The following TNFAIP8 variants were observed in gnomAD, a reference collection of about 807,000 sequenced individuals.
TNFAIP8 encodes tumor necrosis factor alpha-induced protein 8.
A neutral mutation model predicts 13.3 loss-of-function variants in TNFAIP8; 7 were observed. The ratio of observed to expected loss-of-function variants is 0.52; its 90% CI spans 0.30 to 0.99. The LOEUF is 0.99. TNFAIP8 is among the 50% of genes least tolerant of loss of function. The pLI is 0.07. For synonymous variants in TNFAIP8, 94 were observed against 87.6 expected (o/e 1.07, Z -0.41); for missense variants, 258 against 236.9 (o/e 1.09, Z -0.58).
At chr5:119,297,459 T>C (rs943892706) in intron 1 of TNFAIP8, among the ~76,000 whole-genome samples, 4 of 152,240 alleles carry the variant, frequency 2.6e-5, no homozygotes, top group African/African-American at 9.7e-5. Flanking sequence ...GATTGCAGTG[T>C]GGTCTGAGAG....
intron 1 of TNFAIP8, among the ~76,000 whole-genome samples, chr5:119,320,853 A>T (rs909834642): frequency 6.6e-6 from 1 of 151,974 alleles, no homozygotes; most frequent in Non-Finnish European, 1.5e-5. Flanking sequence ...TTTCTTCTTC[A>T]TACTACACTG....
Position 119,367,037 on chromosome 5 carries a change from C to G in TNFAIP8, c.31+10916C>G, listed in dbSNP as rs553512826. 1.2e-4 allele frequency among the ~76,000 whole-genome samples: 19 copies of G among 152,292 alleles called. No individual in the cohort carries two copies. The South Asian group carries it at 3.7e-3, about 30-fold the overall frequency. On this transcript the variant is annotated intron_variant, in intron 1 of 1. Transcript: ENST00000504771. ...GGGTTAATCGGGTAAATTATAATTG[C>G]TGCTAGGAGAGGCAGCCTAGCTGAG...
intron 1 of TNFAIP8, among the ~76,000 whole-genome samples, chr5:119,297,491 T>G (rs1251059574): frequency 1.3e-5 from 2 of 152,224 alleles, no homozygotes; most frequent in Non-Finnish European, 2.9e-5. Flanking sequence ...TAATTTCTGT[T>G]CTTTTACATT....
intron 1 of TNFAIP8, among the ~76,000 whole-genome samples, chr5:119,366,174 A>T (rs976590241): frequency 6.6e-6 from 1 of 152,152 alleles, no homozygotes; most frequent in Admixed American, 6.5e-5. Context: ...AATATGTGCA[A>T]AACTTAAGAA....
At chr5:119,302,778 C>T (rs549800468) in intron 1 of TNFAIP8, among the ~76,000 whole-genome samples, 1 of 152,190 alleles carries the variant, frequency 6.6e-6, no homozygotes, top group Non-Finnish European at 1.5e-5. Context: ...CACCAAACAG[C>T]AAACTCTCTT....
chr5:119,391,297 A>G (rs757005500), intron 1 of TNFAIP8: 11 of 688,964 alleles, frequency 1.6e-5, no homozygotes, highest in Non-Finnish European at 2.4e-5. Context: ...GCCTTGACTC[A>G]TTTGTATGTA....
intron 1 of TNFAIP8, among the ~76,000 whole-genome samples, chr5:119,272,537 G>A (rs1427777830): frequency 6.6e-6 from 1 of 152,190 alleles, no homozygotes; most frequent in African/African-American, 2.4e-5. Flanking sequence ...CTCAAAAGAA[G>A]CACATTTCTG....
chr5:119,341,501 G>C (rs922300025), intron 1 of TNFAIP8, among the ~76,000 whole-genome samples: 4 of 152,206 alleles, frequency 2.6e-5, no homozygotes, highest in Non-Finnish European at 1.5e-5. Context: ...TAAGCCATCT[G>C]ACTTCAACTA....
chr5:119,388,368 T>C (rs1171558596), intron 1 of TNFAIP8, among the ~76,000 whole-genome samples: 1 of 152,188 alleles, frequency 6.6e-6, no homozygotes, highest in Non-Finnish European at 1.5e-5. Flanking sequence ...TATTTACAAC[T>C]CTCGTTTTAC....
intron 1 of TNFAIP8, among the ~76,000 whole-genome samples, chr5:119,304,109 A>G (rs577503349): frequency 1.4e-4 from 22 of 151,824 alleles, no homozygotes; most frequent in African/African-American, 5.3e-4. Flanking sequence ...CTTTTTTTCA[A>G]ATTTAAGTTT....
At chr5:119,342,314 A>C (rs1440463422) in intron 1 of TNFAIP8, among the ~76,000 whole-genome samples, 1 of 152,174 alleles carries the variant, frequency 6.6e-6, no homozygotes, top group Admixed American at 6.5e-5. Context: ...GCCACTGAAC[A>C]TGAAGAAGGT....
At chr5:119,274,032 TTTTG>T (rs552127059) in intron 1 of TNFAIP8, among the ~76,000 whole-genome samples, 249 of 152,290 alleles carry the variant, frequency 1.6e-3, no homozygotes, top group African/African-American at 4.6e-3. Flanking sequence ...AAATGAGGTT[TTTTG>T]TTTGTTTGTT....
At chr5:119,352,912 GAC>G (rs1158495614), upstream of TNFAIP8, among the ~76,000 whole-genome samples, 4 of 152,292 alleles carry the variant, frequency 2.6e-5, no homozygotes, top group South Asian at 4.1e-4. Flanking sequence ...ATTTACATAT[GAC>G]ACACACAAAT....
chr5:119,355,711 C>T, upstream of TNFAIP8: 1 of 263,990 alleles, frequency 3.8e-6, no homozygotes, highest in South Asian at 1.2e-4. Flanking sequence ...TTTTTCCGCC[C>T]GTCTGGTGCG....
In TNFAIP8 at chr5:119,395,629, A is replaced by G. The variant is rs1753055180; in HGVS notation, c.*2248A>G. ...GAAGGAGGGAATCCTGTTTGCTACC[A>G]TTTCTCAGCATTTTCTGGAGGGGAC... is the stretch of plus-strand genomic sequence containing the variant. On this transcript the variant is annotated 3_prime_UTR_variant, in exon 2 of 2. Coordinates refer to ENST00000504771, the MANE Select transcript of TNFAIP8 (RefSeq NM_014350.4). 6.6e-6 allele frequency: 1 copy of G among 152,146 alleles called. No homozygotes were observed. Among genetic ancestry groups the G allele is most frequent in the African/African-American group, 2.4e-5 (1 of 41,398 alleles). 9.4% of individuals were successfully genotyped at this position (152,146 alleles called of 1,614,324 possible). A position where few individuals can be genotyped will look rare whatever the true frequency, so the allele number is the denominator to read the frequency against.
upstream of TNFAIP8, chr5:119,356,017 C>T: frequency 6.5e-7 from 1 of 1,542,266 alleles, no homozygotes; most frequent in Non-Finnish European, 8.8e-7. Context: ...GCGGATTTCG[C>T]TGCAGAGCGA....
intron 1 of TNFAIP8, among the ~76,000 whole-genome samples, chr5:119,377,544 A>G (rs538536836): frequency 2.8e-4 from 43 of 152,096 alleles, no homozygotes; most frequent in Non-Finnish European, 5.7e-4. Flanking sequence ...TTCTCCTGGG[A>G]TCATTGTAAA....
At position 119,312,315 on chromosome 5, in the gene TNFAIP8, G is replaced by A. The variant is rs551870780; in HGVS notation, c.1+43408G>A. On this transcript the variant is annotated intron_variant, in intron 1 of 1. Coordinates refer to the TNFAIP8 transcript ENST00000274456. ...GCAATTTGCTTAACTACTTTCTTAC[G>A]TAAAATGGAACTCATCAAAGCACTG... 3.3e-5 allele frequency among the ~76,000 whole-genome samples: 5 copies of A among 152,182 alleles called. No homozygotes were observed. In the South Asian group the frequency reaches 1.0e-3, roughly 32 times the overall value.
rs142154688 is a variant in TNFAIP8 at position 119,360,031 on chromosome 5, C to A, written c.31+3910C>A. 8.7e-4 allele frequency among the ~76,000 whole-genome samples: 133 copies of A among 152,320 alleles called. 1 individual carries two copies. The highest frequency in any genetic ancestry group is 3.1e-3 in the African/African-American group (129 of 41,562). On this transcript the variant is annotated intron_variant, in intron 1 of 1. Transcript: ENST00000504771. The stretch of plus-strand genomic sequence containing the variant: ...GACATCACTTGATAACTTGGCATTG[C>A]CAGACACCTCCAGCTCTGTAAACTT...
Sources: allele counts gnomAD v4.1 joint callset (sites outside exome capture counted in the v4.1 genomes callset), GRCh38; gene constraint gnomAD v4.1.1; transcripts MANE v1.5; gene names NCBI Gene and HGNC (gene_info 2026-07-23, HGNC 2026-07-21).